The following CAMK1D variants were observed in gnomAD, a reference collection of about 807,000 sequenced individuals.
The protein encoded by CAMK1D is calcium/calmodulin dependent protein kinase ID, also known as calcium/calmodulin-dependent protein kinase type 1D.
CAMK1D carries 9 observed loss-of-function variants against 47.7 expected under a neutral mutation model. The observed-to-expected ratio is 0.19, with a 90% CI of 0.11 to 0.33. The LOEUF (loss-of-function observed/expected upper bound fraction) is 0.33. Ranked by LOEUF, CAMK1D falls within the 10% of genes least tolerant of loss-of-function variation. The pLI, the probability that CAMK1D is intolerant of heterozygous loss-of-function variation, is 1.00. For synonymous variants in CAMK1D, 184 were observed against 184.9 expected (o/e 0.99, Z 0.04); for missense variants, 291 against 488.7 (o/e 0.60, Z 3.81).
At chr10:12,691,356 T>G (rs1832872407) in intron 3 of CAMK1D, among the ~76,000 whole-genome samples, 2 of 6,192 alleles carry the variant, frequency 3.2e-4, no homozygotes, top group African/African-American at 4.8e-4. Flanking sequence ...TTTCTATATA[T>G]ATATATATAT....
chr10:12,681,978 G>A (rs968408422), intron 3 of CAMK1D, among the ~76,000 whole-genome samples: 3 of 152,228 alleles, frequency 2.0e-5, no homozygotes, highest in African/African-American at 7.2e-5. Context: ...CCAGCACTTT[G>A]GGAGGCCCAG....
chr10:12,735,798 A>G (rs903915400), intron 3 of CAMK1D, among the ~76,000 whole-genome samples: 2 of 146,938 alleles, frequency 1.4e-5, no homozygotes, highest in Non-Finnish European at 3.0e-5. Context: ...TTTTTTTTTA[A>G]GAAATAAGAA....
intron 1 of CAMK1D, among the ~76,000 whole-genome samples, chr10:12,357,719 A>G (rs1036587808): frequency 6.6e-6 from 1 of 152,126 alleles, no homozygotes; most frequent in African/African-American, 2.4e-5. Context: ...AAGATGGTCA[A>G]TTCCGTGCTT....
Position 12,441,412 on chromosome 10 carries a change from G to T in CAMK1D, c.92+91502G>T, listed in dbSNP as rs1187498454. Among the ~76,000 whole-genome samples, 3 of 151,992 alleles carry T rather than the reference G, an allele frequency of 2.0e-5. No homozygotes were observed. The East Asian group carries it at 5.8e-4, about 30-fold the overall frequency. On this transcript the variant is annotated intron_variant, in intron 1 of 10. Transcript: ENST00000619168. ...GGTTTTCACCATCTTGCCCAGGCTGGTCTTGAACTCCTGGGTTCAAGTGAT... is the reference window on the plus strand; with the variant it reads ...GGTTTTCACCATCTTGCCCAGGCTGTTCTTGAACTCCTGGGTTCAAGTGAT...
intron 1 of CAMK1D, among the ~76,000 whole-genome samples, chr10:12,376,309 A>G (rs1342651937): frequency 1.3e-5 from 2 of 151,936 alleles, no homozygotes; most frequent in Non-Finnish European, 2.9e-5. Context: ...TGTTTGACAG[A>G]TGAGGAGAAC....
chr10:12,589,306 G>A (rs1426979148), intron 2 of CAMK1D, among the ~76,000 whole-genome samples: 1 of 152,118 alleles, frequency 6.6e-6, no homozygotes, highest in Non-Finnish European at 1.5e-5. Flanking sequence ...GAGCCACTGC[G>A]CGCAGCCTGT....
chr10:12,416,669 C>G (rs529809575), intron 1 of CAMK1D, among the ~76,000 whole-genome samples: 1 of 152,150 alleles, frequency 6.6e-6, no homozygotes, highest in African/African-American at 2.4e-5. Context: ...TGCTGAGCAC[C>G]GGAGGGAGGG....
chr10:12,356,717 A>G (rs1471999752), intron 1 of CAMK1D, among the ~76,000 whole-genome samples: 1 of 61,556 alleles, frequency 1.6e-5, no homozygotes, highest in Admixed American at 2.0e-4. Context: ...GTGAGACTCC[A>G]TTTCAAAAAA....
chr10:12,800,068 A>G (rs1838362638), intron 6 of CAMK1D, among the ~76,000 whole-genome samples: 1 of 152,112 alleles, frequency 6.6e-6, no homozygotes, highest in African/African-American at 2.4e-5. Context: ...TTTCATCACC[A>G]GTACTTTGCC....
chr10:12,651,181 A>C (rs1415919100), intron 2 of CAMK1D, among the ~76,000 whole-genome samples: 1 of 152,034 alleles, frequency 6.6e-6, no homozygotes, highest in Non-Finnish European at 1.5e-5. Context: ...CTGCCTAGTG[A>C]ACTAAACAGT....
intron 1 of CAMK1D, among the ~76,000 whole-genome samples, chr10:12,421,391 T>C (rs188996130): frequency 2.2e-4 from 33 of 152,060 alleles, no homozygotes; most frequent in African/African-American, 8.0e-4. Flanking sequence ...ACCCAGATGT[T>C]CCCTAGCCGC....
intron 1 of CAMK1D, among the ~76,000 whole-genome samples, chr10:12,408,880 GTC>G (rs1420102642): frequency 7.4e-6 from 1 of 135,780 alleles, no homozygotes; most frequent in Non-Finnish European, 1.5e-5. Flanking sequence ...CTGAGTCGGA[GTC>G]TCTTTCTGTC....
chr10:12,422,113 G>A (rs1840073076), intron 1 of CAMK1D, among the ~76,000 whole-genome samples: 1 of 151,864 alleles, frequency 6.6e-6, no homozygotes, highest in South Asian at 2.1e-4. Context: ...CCAGTCTTGG[G>A]ACACTTTTTG....
intron 3 of CAMK1D, among the ~76,000 whole-genome samples, chr10:12,727,137 A>C (rs1834681161): frequency 6.6e-6 from 1 of 152,222 alleles, no homozygotes; most frequent in African/African-American, 2.4e-5. Flanking sequence ...CTGGGGCTTT[A>C]CGGTTTTGTA....
intron 1 of CAMK1D, among the ~76,000 whole-genome samples, chr10:12,504,225 T>TACACACAC (rs111662084): frequency 0.081 from 12,021 of 147,628 alleles, 641 homozygotes; most frequent in East Asian, 0.31. Flanking sequence ...ATACACATTT[T>TACACACAC]ACACACACAC....
intron 1 of CAMK1D, among the ~76,000 whole-genome samples, chr10:12,361,693 T>C (rs979124128): frequency 2.0e-5 from 3 of 151,076 alleles, no homozygotes; most frequent in Non-Finnish European, 4.4e-5. Flanking sequence ...GTAGCTGGGA[T>C]TACAGGCGCC....
intron 3 of CAMK1D, among the ~76,000 whole-genome samples, chr10:12,757,220 G>T (rs770792844): frequency 1.3e-5 from 2 of 152,008 alleles, no homozygotes; most frequent in Admixed American, 1.3e-4. Flanking sequence ...AGCCTCAGCC[G>T]TCCCGGCCTC....
At position 12,816,287 on chromosome 10, in the gene CAMK1D, G is replaced by A. The variant is rs199768578; in HGVS notation, c.792G>A (p.Pro264=). 27 of 1,613,726 alleles carry A rather than the reference G, an allele frequency of 1.7e-5. No homozygotes were observed. Among genetic ancestry groups the A allele is most frequent in the East Asian group, 4.5e-5 (2 of 44,850 alleles). ...DFIRNLMEKD[P]NKRYTCEQAA... is the part of the protein sequence containing the mutation. ...TTCGGAACCTGATGGAGAAGGACCC[G>A]AATAAAAGATACACGTGTGAGCAGG... Residue 264 remains proline, a synonymous_variant, in exon 8 of 11, where the codon CCG becomes CCA. Transcript: ENST00000619168.
At chr10:12,723,084 G>C (rs1588849244) in intron 3 of CAMK1D, among the ~76,000 whole-genome samples, 1 of 152,184 alleles carries the variant, frequency 6.6e-6, no homozygotes, top group Non-Finnish European at 1.5e-5. Context: ...AGAAATGGAC[G>C]TGAAGAGGCT....
Sources: allele counts gnomAD v4.1 joint callset (sites outside exome capture counted in the v4.1 genomes callset), GRCh38; gene constraint gnomAD v4.1.1; transcripts MANE v1.5; gene names NCBI Gene and HGNC (gene_info 2026-07-23, HGNC 2026-07-21).